The following SCYL3 variants were observed in gnomAD, a reference collection of about 807,000 sequenced individuals.
SCYL3 encodes the protein SCY1 like pseudokinase 3.
In SCYL3, 35 loss-of-function variants were observed where a neutral mutation model predicts 73.8. The observed-to-expected ratio is 0.47, with a 90% CI of 0.36 to 0.63. The LOEUF (loss-of-function observed/expected upper bound fraction) is 0.63, where lower values mean the gene tolerates loss of function less well. Among genes scored for constraint, SCYL3 ranks in the 20% least tolerant of loss-of-function variants. The pLI, the probability that SCYL3 is intolerant of heterozygous loss-of-function variation, is 0.00. For synonymous variants in SCYL3, 277 were observed against 295.2 expected (o/e 0.94, Z 0.63); for missense variants, 712 against 798.9 (o/e 0.89, Z 1.31).
chr1:169,868,096 T>G lies in SCYL3; in HGVS notation c.737+832A>C, dbSNP rs1037067840. 3.3e-5 allele frequency among the ~76,000 whole-genome samples: 5 copies of G among 152,264 alleles called. No individual in the cohort carries two copies. The Middle Eastern group carries it at 0.01, about 311-fold the overall frequency. ...TCATAATGGGAAAGTTTTGAATAGT[T>G]TGAAATATGACAATATAAGCCCAGT... On this transcript the variant is annotated intron_variant, in intron 7 of 12. Coordinates refer to ENST00000367771, the MANE Select transcript of SCYL3 (RefSeq NM_020423.7).
At chr1:169,869,429 T>G (rs997263652) in intron 6 of SCYL3, among the ~76,000 whole-genome samples, 3 of 152,258 alleles carry the variant, frequency 2.0e-5, no homozygotes, top group Non-Finnish European at 1.5e-5. Context: ...AAATAATTGC[T>G]ACCATTCTAA....
intron 7 of SCYL3, among the ~76,000 whole-genome samples, chr1:169,867,589 G>A (rs1238004041): frequency 6.6e-6 from 1 of 152,218 alleles, no homozygotes; most frequent in African/African-American, 2.4e-5. Flanking sequence ...CCTATTGGGA[G>A]GCCCAGTAAG....
intron 10 of SCYL3, among the ~76,000 whole-genome samples, chr1:169,861,749 C>T: frequency 6.6e-6 from 1 of 152,162 alleles, no homozygotes; most frequent in Non-Finnish European, 1.5e-5. Flanking sequence ...TGATTGTAGT[C>T]TTTTAAAACA....
intron 8 of SCYL3, among the ~76,000 whole-genome samples, chr1:169,864,888 T>C (rs1659924012): frequency 6.6e-6 from 1 of 151,104 alleles, no homozygotes; most frequent in African/African-American, 2.4e-5. Context: ...TTCAATCGCT[T>C]GAAGCTGGGA....
chr1:169,880,491 A>G (rs1490382415), intron 2 of SCYL3, among the ~76,000 whole-genome samples: 1 of 139,548 alleles, frequency 7.2e-6, no homozygotes, highest in Non-Finnish European at 1.6e-5. Context: ...GCAAGAAACA[A>G]TGAAACATGT....
Position 169,850,525 on chromosome 1 carries a change from C to T in SCYL3, c.*3188G>A, listed in dbSNP as rs539274418. ...GAAGTAAAACACTTGGGGCCAGGCG[C>T]GGCGGCTCATGCCTGTAATCCCAGC... On this transcript the variant is annotated 3_prime_UTR_variant, in exon 13 of 13. Coordinates refer to ENST00000367771, the MANE Select transcript of SCYL3 (RefSeq NM_020423.7). 212 of 519,194 alleles carry T rather than the reference C, an allele frequency of 4.1e-4. No individual in the cohort carries two copies. The East Asian group carries it at 5.3e-3, about 13-fold the overall frequency. The allele number at this position is 519,194 out of a possible 1,614,324, so 32.2% of individuals were successfully genotyped here. A position where few individuals can be genotyped will look rare whatever the true frequency, so the allele number is the denominator to read the frequency against.
Position 169,852,044 on chromosome 1 carries a change from A to T in SCYL3, c.*1669T>A. On this transcript the variant is annotated 3_prime_UTR_variant, in exon 13 of 13. Coordinates refer to ENST00000367771, the MANE Select transcript of SCYL3 (RefSeq NM_020423.7). Reference sequence around the variant, plus strand: ...GTTTCCAGCCTTATGCTGAATTTCAAATCAAATAGATCTAGACATGTAAAA... The same window carrying T: ...GTTTCCAGCCTTATGCTGAATTTCATATCAAATAGATCTAGACATGTAAAA... The T allele has an allele frequency of 6.8e-7, 1 of 1,467,360 alleles. No individual in the cohort carries two copies. Among genetic ancestry groups the T allele is most frequent in the Non-Finnish European group, 9.4e-7 (1 of 1,059,618 alleles). The allele number at this position is 1,467,360 out of a possible 1,614,324, so 90.9% of individuals were successfully genotyped here.
chr1:169,853,816 A>C (rs749260816), intron 12 of SCYL3, 44 bp from the exon 13 acceptor site: 3 of 1,588,864 alleles, frequency 1.9e-6, no homozygotes, highest in Non-Finnish European at 2.6e-6. Flanking sequence ...GAAACAAATC[A>C]TATGCAAAAA....
chr1:169,854,690 G>GTTTAC lies in SCYL3; in HGVS notation c.1582_1586dup (p.Asn529LysfsTer2), dbSNP rs769823190. ...TTGTAGCAGTGATTCCACCTCCTGG[G>GTTTAC]TTTACTTTAGTATCTAAGCTGCTGG... On this transcript the variant is annotated stop_gained and frameshift_variant, in exon 12 of 13. Coordinates refer to ENST00000367771, the MANE Select transcript of SCYL3 (RefSeq NM_020423.7). LOFTEE classifies it high-confidence loss of function. The GTTTAC allele has an allele frequency of 8.7e-6, 14 of 1,613,882 alleles. No homozygotes were observed. Among genetic ancestry groups the GTTTAC allele is most frequent in the Non-Finnish European group, 1.1e-5 (13 of 1,179,948 alleles).
At chr1:169,879,167 A>AG (rs1269735947) in intron 2 of SCYL3, among the ~76,000 whole-genome samples, 2 of 152,218 alleles carry the variant, frequency 1.3e-5, no homozygotes, top group African/African-American at 4.8e-5. Flanking sequence ...CAGATTATGG[A>AG]GGGGAGTCAA....
At chr1:169,870,801 A>T (rs1660336991) in intron 5 of SCYL3, among the ~76,000 whole-genome samples, 1 of 152,106 alleles carries the variant, frequency 6.6e-6, no homozygotes, top group African/African-American at 2.4e-5. Context: ...AAATTGACTT[A>T]AAACCCGCAA....
intron 12 of SCYL3, chr1:169,853,987 C>T: frequency 4.8e-6 from 3 of 621,988 alleles, no homozygotes; most frequent in African/African-American, 1.9e-5. Flanking sequence ...ACCATAAAAT[C>T]CAGTAAAAAT....
rs770215041 is a variant in SCYL3 at position 169,854,443 on chromosome 1, T to G, written c.1834A>C (p.Lys612Gln). 38 of 1,614,004 alleles carry G rather than the reference T, an allele frequency of 2.4e-5. 1 individual carries two copies. In the South Asian group the frequency reaches 3.7e-4, roughly 16 times the overall value. ...TCCATCTCAGGATCTTTTACTGGCT[T>G]CTTTTTTACTTGAATGGTGAATTCC... ...GEEFTIQVKK[K>Q]PVKDPEMDWF... The change falls in exon 12 of 13, where the codon AAG (lysine) becomes CAG (glutamine). Residue 612 changes from lysine to glutamine, a missense_variant. This residue lies in a region of SCYL3 where 370 missense variants were observed against 350.8 expected (regional missense o/e 1.05). Coordinates refer to ENST00000367771, the MANE Select transcript of SCYL3 (RefSeq NM_020423.7).
rs746664588 is a variant in SCYL3 at position 169,878,720 on chromosome 1, C to T, written c.265G>A (p.Glu89Lys). Residue 89 changes from glutamate (E) to lysine (K), a missense_variant, in exon 3 of 13, where the codon GAA becomes AAA. Transcript: ENST00000367771. ...GAAGACAATGTTTCCAAAGCCACTT[C>T]CAGGGGCTGTACTCGCTCAGTGACA... ...HLVTERVQPL[E>K]VALETLSSAE... 1 of 1,614,086 alleles carries T rather than the reference C, an allele frequency of 6.2e-7. No individual in the cohort carries two copies. The highest frequency in any genetic ancestry group is 1.1e-5 in the South Asian group (1 of 91,082).
At chr1:169,891,827 T>G (rs1175962037) in intron 1 of SCYL3, among the ~76,000 whole-genome samples, 2 of 152,226 alleles carry the variant, frequency 1.3e-5, no homozygotes, top group African/African-American at 2.4e-5. Context: ...AGCAAAATAC[T>G]TCCTTGTGGG....
chr1:169,855,994 C>T, intron 11 of SCYL3: 2 of 1,591,886 alleles, frequency 1.3e-6, no homozygotes, highest in Non-Finnish European at 1.7e-6. Context: ...ATGAAAGGGA[C>T]AGTAAATTGC....
intron 10 of SCYL3, among the ~76,000 whole-genome samples, chr1:169,861,660 CAT>C (rs1648410028): frequency 6.6e-6 from 1 of 152,210 alleles, no homozygotes; most frequent in Admixed American, 6.5e-5. Context: ...ATGACTGAAA[CAT>C]GTCCCACTTA....
At position 169,854,254 on chromosome 1, in the gene SCYL3, C is replaced by T. The variant is rs185704431; in HGVS notation, c.2007+16G>A. ...CCTAAAGCTAGTAGCACAGTTTACT[C>T]CATAAAAGTACTCACCTCAGTAATT... On this transcript the variant is annotated intron_variant, in intron 12 of 12. Coordinates refer to ENST00000367771, the MANE Select transcript of SCYL3 (RefSeq NM_020423.7). 3.9e-5 allele frequency: 62 copies of T among 1,571,576 alleles called. 1 individual carries two copies. The Admixed American group carries it at 8.4e-4, about 21-fold the overall frequency.
At chr1:169,891,620 G>A (rs1193754353) in intron 1 of SCYL3, among the ~76,000 whole-genome samples, 1 of 152,166 alleles carries the variant, frequency 6.6e-6, no homozygotes, top group Non-Finnish European at 1.5e-5. Flanking sequence ...ACAATTAAGA[G>A]AAAAGCAGAG....
Sources: gnomAD v4.1 joint callset for allele counts (sites outside exome capture counted in the v4.1 genomes callset) on GRCh38, gnomAD v4.1.1 for gene constraint, gnomAD v4.1.1 regional missense constraint, MANE v1.5 for transcripts, NCBI Gene and HGNC (gene_info 2026-07-23, HGNC 2026-07-21) for gene names.